Variants in PCDH19 observed in about 807,000 individuals in gnomAD.
PCDH19 encodes the protein protocadherin 19.
A neutral mutation model predicts 46.2 loss-of-function variants in PCDH19; 6 were observed. The ratio of observed to expected loss-of-function variants is 0.13; its 90% confidence interval spans 0.07 to 0.26. The LOEUF is 0.26. Among genes scored for constraint, PCDH19 ranks in the 10% least tolerant of loss-of-function variants. The pLI is 1.00. For synonymous variants in PCDH19, 481 were observed against 415.7 expected, an observed-to-expected ratio of 1.16 and a Z score of -1.91; for missense variants, 740 against 972.3, an observed-to-expected ratio of 0.76 and a Z score of 3.18.
intron 5 of PCDH19, among the ~76,000 whole-genome samples, chrX:100,325,155 A>G (rs1026669642): frequency 2.1e-4 from 19 of 89,679 alleles, no homozygotes; most frequent in Non-Finnish European, 4.4e-4. Context: ...ATAGATAGAT[A>G]GATAGATAGA....
rs1924493602 is a variant in PCDH19 at position 100,293,509 on chromosome X, T to TG, written c.*2767dup. The TG allele has an allele frequency of 2.5e-5, 1 of 39,635 alleles. No homozygotes were observed. The highest frequency in any genetic ancestry group is 4.7e-5 in the Non-Finnish European group (1 of 21,183). The allele number at this position is 39,635 out of a possible 1,213,427, so 3.3% of individuals were successfully genotyped here. A position where few individuals can be genotyped will look rare whatever the true frequency, so the allele number is the denominator to read the frequency against. On this transcript the variant is annotated 3_prime_UTR_variant, in exon 6 of 6. Transcript: ENST00000373034. ...ACATGCCAAAAAGGAGAAGGTGGGG[T>TG]GGGGCGGGGGGGACATGAGCCAAAG...
At chrX:100,384,665 TGACA>T (rs1473184282) in intron 3 of PCDH19, among the ~76,000 whole-genome samples, 3 of 111,582 alleles carry the variant, frequency 2.7e-5, no homozygotes, top group Admixed American at 9.6e-5. Flanking sequence ...AACTTTCCAC[TGACA>T]GACATACACA....
chrX:100,328,232 G>T (rs1256162826), intron 5 of PCDH19, among the ~76,000 whole-genome samples: 1 of 111,827 alleles, frequency 8.9e-6, no homozygotes, highest in Non-Finnish European at 1.9e-5. Flanking sequence ...AGGTGCTGTA[G>T]ACAGGTAAAC....
chrX:100,409,911 G>A lies in PCDH19; in HGVS notation c.-1314C>T. On this transcript the variant is annotated 5_prime_UTR_variant, in exon 1 of 6. Transcript: ENST00000373034. ...GGCTCCCTTCCTCCCGGGCGCTCGC[G>A]CACTCGGGAGGTCTGTCTCGCTTTC... 3.1e-6 allele frequency: 1 copy of A among 322,362 alleles called. No individual in the cohort carries two copies. The allele number at this position is 322,362 out of a possible 1,213,427, so 26.6% of individuals were successfully genotyped here.
intron 3 of PCDH19, among the ~76,000 whole-genome samples, chrX:100,393,584 G>C (rs1251755450): frequency 9.2e-6 from 1 of 108,790 alleles, no homozygotes; most frequent in Non-Finnish European, 1.9e-5. Flanking sequence ...TTTTCTTCCT[G>C]TCGGCTTACA....
chrX:100,327,590 T>C (rs940222924), intron 5 of PCDH19, among the ~76,000 whole-genome samples: 3 of 112,266 alleles, frequency 2.7e-5, no homozygotes, highest in African/African-American at 9.7e-5. Flanking sequence ...CTTAGGTTTA[T>C]CAATGAGTAT....
chrX:100,341,859 T>C lies in PCDH19; in HGVS notation c.2848+44A>G, dbSNP rs188792327. The C allele has an allele frequency of 1.6e-3, 1,837 of 1,154,144 alleles. 2 individuals are homozygous for C. Among genetic ancestry groups the C allele is most frequent in the Non-Finnish European group, 1.7e-3 (1,423 of 845,417 alleles). ...TAGTGTGCCTACAAACATTTTGGGT[T>C]CTTTGGAGTCGATTGCTGCAACTTA... is the stretch of plus-strand genomic sequence containing the variant. On this transcript the variant is annotated intron_variant, in intron 5 of 5. Coordinates refer to ENST00000373034, the MANE Select transcript of PCDH19 (RefSeq NM_001184880.2).
intron 5 of PCDH19, among the ~76,000 whole-genome samples, chrX:100,310,414 G>C (rs775459352): frequency 2.7e-5 from 3 of 111,260 alleles, no homozygotes; most frequent in Non-Finnish European, 5.7e-5. Flanking sequence ...AATAAGAGGT[G>C]CTGACAGTGA....
chrX:100,371,144 T>C (rs991978228), intron 3 of PCDH19, among the ~76,000 whole-genome samples: 2 of 111,277 alleles, frequency 1.8e-5, no homozygotes, highest in Non-Finnish European at 3.8e-5. Context: ...CACAGATCCC[T>C]AGACACAGGT....
chrX:100,323,790 T>A (rs1925594784), intron 5 of PCDH19, among the ~76,000 whole-genome samples: 1 of 111,695 alleles, frequency 9.0e-6, no homozygotes, highest in Admixed American at 9.5e-5. Context: ...TCATTAAAAA[T>A]TATTTCTATT....
chrX:100,408,635 C>T lies in PCDH19; in HGVS notation c.-38G>A. The stretch of plus-strand genomic sequence containing the variant: ...CTCTGCCTGGCCTCGCCTCTCCACA[C>T]CCCTCCGAGACCGACGCCGTCGGCG... On this transcript the variant is annotated 5_prime_UTR_variant, in exon 1 of 6. It adds an upstream start codon to the 5' untranslated region. Transcript: ENST00000373034. The T allele has an allele frequency of 9.4e-7, 1 of 1,064,632 alleles. No homozygotes were observed. The allele number at this position is 1,064,632 out of a possible 1,213,427, so 87.7% of individuals were successfully genotyped here. A position where few individuals can be genotyped will look rare whatever the true frequency, so the allele number is the denominator to read the frequency against.
intron 3 of PCDH19, among the ~76,000 whole-genome samples, chrX:100,358,353 G>C (rs1400721005): frequency 8.9e-6 from 1 of 111,959 alleles, no homozygotes; most frequent in Non-Finnish European, 1.9e-5. Flanking sequence ...GAGAAACACA[G>C]GCCATGTGGT....
intron 5 of PCDH19, among the ~76,000 whole-genome samples, chrX:100,339,956 T>C (rs185460255): frequency 8.9e-6 from 1 of 111,875 alleles, no homozygotes; most frequent in African/African-American, 3.2e-5. Flanking sequence ...ATCATCATCT[T>C]ATATGTAGGG....
intron 3 of PCDH19, among the ~76,000 whole-genome samples, chrX:100,393,937 G>A (rs1208348793): frequency 1.8e-5 from 2 of 112,127 alleles, no homozygotes; most frequent in Non-Finnish European, 3.8e-5. Context: ...AGGCAGAGGC[G>A]GGTGGATGAC....
intron 3 of PCDH19, among the ~76,000 whole-genome samples, chrX:100,397,859 T>C (rs1928068179): frequency 8.9e-6 from 1 of 112,043 alleles, no homozygotes; most frequent in South Asian, 3.8e-4. Context: ...TCATTTGCCT[T>C]ACTAAGGAGC....
At chrX:100,296,920 G>C in intron 5 of PCDH19, 45 bp from the exon 6 acceptor site, 3 of 1,104,092 alleles carry the variant, frequency 2.7e-6, no homozygotes, top group Non-Finnish European at 3.8e-6. Context: ...CTTTTCCCAG[G>C]ATTCACTGTT....
chrX:100,409,503 C>T lies in PCDH19; in HGVS notation c.-906G>A, dbSNP rs938160157. On this transcript the variant is annotated 5_prime_UTR_variant, in exon 1 of 6. Transcript: ENST00000373034. ...AATCAAAGTTAACAACGCAGTCCGA[C>T]CCTCCACGTCAAGTTTGTGGAAACG... 3.3e-5 allele frequency: 4 copies of T among 121,929 alleles called. No individual in the cohort carries two copies. Among genetic ancestry groups the T allele is most frequent in the African/African-American group, 9.7e-5 (3 of 30,947 alleles). 10.0% of individuals were successfully genotyped at this position (121,929 alleles called of 1,213,427 possible). A position where few individuals can be genotyped will look rare whatever the true frequency, so the allele number is the denominator to read the frequency against.
intron 5 of PCDH19, among the ~76,000 whole-genome samples, chrX:100,336,262 G>A (rs1013822891): frequency 4.5e-5 from 5 of 112,127 alleles, no homozygotes; most frequent in African/African-American, 1.6e-4. Context: ...AAAATTCAGT[G>A]AGGAGAGAGG....
In PCDH19 at chrX:100,295,992, CACTT is replaced by C. The variant is rs1239535318; in HGVS notation, c.*281_*284del. 2 of 320,784 alleles carry C rather than the reference CACTT, an allele frequency of 6.2e-6. No individual in the cohort carries two copies. Among genetic ancestry groups the C allele is most frequent in the Non-Finnish European group, 1.1e-5 (2 of 183,929 alleles). 26.4% of individuals were successfully genotyped at this position (320,784 alleles called of 1,213,427 possible). ...ACATAGAAAAATATATAAATTCAAACACTTAATACATAATACTTTTCACAACTGA... is the reference window on the plus strand; with the variant it reads ...ACATAGAAAAATATATAAATTCAAACAATACATAATACTTTTCACAACTGA... On this transcript the variant is annotated 3_prime_UTR_variant, in exon 6 of 6. Transcript: ENST00000373034.
Sources: gnomAD v4.1 joint callset for allele counts (sites outside exome capture counted in the v4.1 genomes callset) on GRCh38, gnomAD v4.1.1 for gene constraint, MANE v1.5 for transcripts, NCBI Gene and HGNC (gene_info 2026-07-23, HGNC 2026-07-21) for gene names.